Variants in ANKRD62 observed in about 807,000 individuals in gnomAD.
ANKRD62 encodes ankyrin repeat domain-containing protein 62.
A neutral mutation model predicts 98.8 loss-of-function variants in ANKRD62; 61 were observed. That is an observed-to-expected ratio of 0.62 (90% CI 0.50 to 0.76). The LOEUF is 0.76. ANKRD62 is among the 30% of genes least tolerant of loss of function. ANKRD62 has a pLI of 0.00. For missense variants in ANKRD62, 933 were observed against 1,082.9 expected (o/e 0.86, Z 1.94); for synonymous variants, 341 against 367.9 (o/e 0.93, Z 0.84).
chr18:12,135,711 C>T, the ANKRD62 span, among the ~76,000 whole-genome samples: 2 of 151,804 alleles, frequency 1.3e-5, no homozygotes, highest in African/African-American at 2.4e-5. Flanking sequence ...CCTGTTGTTT[C>T]CTGACTTTTT....
intron 10 of ANKRD62, among the ~76,000 whole-genome samples, chr18:12,120,673 A>T (rs1226101879): frequency 6.6e-6 from 1 of 152,042 alleles, no homozygotes; most frequent in Admixed American, 6.6e-5. Context: ...GTGCTGTTTG[A>T]TTGCTGTTAG....
the ANKRD62 span, among the ~76,000 whole-genome samples, chr18:12,163,974 G>T: frequency 1.3e-5 from 2 of 151,586 alleles, no homozygotes; most frequent in African/African-American, 2.4e-5. Context: ...CTATAGTTTT[G>T]TTTCTTTGAC....
the ANKRD62 span, among the ~76,000 whole-genome samples, chr18:12,173,649 T>C: frequency 1.3e-5 from 2 of 152,232 alleles, no homozygotes; most frequent in Admixed American, 1.3e-4. Flanking sequence ...TCATATTGAG[T>C]GCTCTTATCA....
At chr18:12,152,040 C>A in the ANKRD62 span, among the ~76,000 whole-genome samples, 2,800 of 150,836 alleles carry the variant, frequency 0.019, 78 homozygotes, top group African/African-American at 0.064. Context: ...TTTTAACAGA[C>A]CAATGATGAG....
At chr18:12,107,252 T>C (rs1202828396) in intron 7 of ANKRD62, 43 bp from the exon 8 acceptor site, 39 of 1,369,064 alleles carry the variant, frequency 2.8e-5, no homozygotes, top group Non-Finnish European at 3.7e-5. Context: ...TTCTATTGGA[T>C]AAAATAATGA....
chr18:12,113,690 G>A (rs1598734800), intron 8 of ANKRD62, among the ~76,000 whole-genome samples: 1 of 152,144 alleles, frequency 6.6e-6, no homozygotes, highest in Non-Finnish European at 1.5e-5. Flanking sequence ...ATGCGTATAC[G>A]CTGTTGGTGG....
chr18:12,118,267 T>G (rs1466235512), intron 10 of ANKRD62, among the ~76,000 whole-genome samples: 1 of 152,176 alleles, frequency 6.6e-6, no homozygotes. Flanking sequence ...ACCATATCCA[T>G]AGTTTTACAT....
intron 10 of ANKRD62, among the ~76,000 whole-genome samples, chr18:12,120,344 C>A (rs1179284103): frequency 6.6e-6 from 1 of 152,122 alleles, no homozygotes; most frequent in Non-Finnish European, 1.5e-5. Context: ...ACATTTAGGA[C>A]TATTATATCT....
chr18:12,125,997 G>A lies in ANKRD62; in HGVS notation c.2176G>A (p.Ala726Thr), dbSNP rs1401048136. ...AACTGAGCTCCATTATGAAAGAGAG[G>A]CTCTCAAAGAAAAGACGTTGCATAT... is the stretch of plus-strand genomic sequence containing the variant. ...LETELHYERE[A>T]LKEKTLHIEH... The change falls in exon 13 of 14, where the codon GCT becomes ACT. Residue 726 changes from alanine (A) to threonine (T), a missense_variant. Ala to Thr is a moderately conservative substitution (Grantham distance 58). Transcript: ENST00000587848. 1 of 1,536,622 alleles carries A rather than the reference G, an allele frequency of 6.5e-7. No homozygotes were observed. The highest frequency in any genetic ancestry group is 8.7e-7 in the Non-Finnish European group (1 of 1,146,868).
At chr18:12,116,112 A>G (rs1347780650) in intron 10 of ANKRD62, among the ~76,000 whole-genome samples, 1 of 152,168 alleles carries the variant, frequency 6.6e-6, no homozygotes, top group African/African-American at 2.4e-5. Context: ...GATACATGTT[A>G]AAGTGCACAT....
At chr18:12,174,442 A>G in the ANKRD62 span, among the ~76,000 whole-genome samples, 2 of 152,206 alleles carry the variant, frequency 1.3e-5, no homozygotes, top group African/African-American at 2.4e-5. Context: ...AGGTTTCAAC[A>G]TACTCCCGTA....
chr18:12,124,480 T>C lies in ANKRD62; in HGVS notation c.1638+160T>C, dbSNP rs188656308. Among the ~76,000 whole-genome samples the C allele has an allele frequency of 5.3e-3, 810 of 152,184 alleles. 8 individuals carry two copies. Among genetic ancestry groups the C allele is most frequent in the African/African-American group, 0.018 (768 of 41,558 alleles). ...CAATTATTTATTATAAATCTTGGCT[T>C]CAAAGTTATATTTTATTTCAGGTCA... On this transcript the variant is annotated intron_variant, in intron 12 of 13. Transcript: ENST00000587848.
At chr18:12,113,608 AGACT>A (rs1254375548) in intron 8 of ANKRD62, among the ~76,000 whole-genome samples, 2 of 152,190 alleles carry the variant, frequency 1.3e-5, no homozygotes, top group African/African-American at 4.8e-5. Context: ...CCTGGGTGAC[AGACT>A]GAGACTCCGT....
At chr18:12,166,263 A>G in the ANKRD62 span, among the ~76,000 whole-genome samples, 2 of 151,946 alleles carry the variant, frequency 1.3e-5, no homozygotes, top group Non-Finnish European at 2.9e-5. Context: ...CTGAAGACCA[A>G]TAATTCTTAG....
At chr18:12,108,043 T>C (rs543125178) in intron 8 of ANKRD62, among the ~76,000 whole-genome samples, 4 of 152,316 alleles carry the variant, frequency 2.6e-5, no homozygotes, top group African/African-American at 7.2e-5. Context: ...ATGTTTGAGA[T>C]TGTGTAAAAG....
At position 12,129,228 on chromosome 18, in the gene ANKRD62, G is replaced by T. The variant is rs1476102159; in HGVS notation, c.*1289G>T. On this transcript the variant is annotated 3_prime_UTR_variant, in exon 14 of 14. Transcript: ENST00000587848. ...CCCATTTTACCAATTTTGTAAATTT[G>T]AGTATCTGATAAAATAGAAATTAGA... is the stretch of plus-strand genomic sequence containing the variant. The T allele has an allele frequency of 1.3e-5, 2 of 152,156 alleles. No homozygotes were observed. Among genetic ancestry groups the T allele is most frequent in the Non-Finnish European group, 2.9e-5 (2 of 68,030 alleles). 9.4% of individuals were successfully genotyped at this position (152,156 alleles called of 1,614,324 possible).
chr18:12,099,848 A>T lies in ANKRD62; in HGVS notation c.820+166A>T, dbSNP rs79785244. Among the ~76,000 whole-genome samples the T allele has an allele frequency of 2.8e-3, 426 of 152,296 alleles. 3 individuals carry two copies. The highest frequency in any genetic ancestry group is 5.3e-3 in the Non-Finnish European group (363 of 68,004). On this transcript the variant is annotated intron_variant, in intron 6 of 13. Coordinates refer to ENST00000587848, the MANE Select transcript of ANKRD62 (RefSeq NM_001277333.2). Reference sequence around the variant, plus strand: ...ATCTAGATTTCAGAATTATTTAAAAAGTTACTTGTAGGCAAGTTATAATCT... The same window carrying T: ...ATCTAGATTTCAGAATTATTTAAAATGTTACTTGTAGGCAAGTTATAATCT...
chr18:12,173,208 A>G, the ANKRD62 span, among the ~76,000 whole-genome samples: 1 of 152,134 alleles, frequency 6.6e-6, no homozygotes, highest in African/African-American at 2.4e-5. Context: ...TGTAGACTGG[A>G]GCTGTTCCTA....
the ANKRD62 span, among the ~76,000 whole-genome samples, chr18:12,138,980 T>G: frequency 1.4e-4 from 21 of 152,282 alleles, no homozygotes; most frequent in Admixed American, 4.6e-4. Context: ...ACACTGATGG[T>G]TCTTGACTCT....
Sources: gnomAD v4.1 joint callset for allele counts (sites outside exome capture counted in the v4.1 genomes callset) on GRCh38, gnomAD v4.1.1 for gene constraint, MANE v1.5 for transcripts, NCBI Gene and HGNC (gene_info 2026-07-23, HGNC 2026-07-21) for gene names.